Variants in KANK4 observed in about 807,000 individuals in gnomAD.
KANK4 encodes KN motif and ankyrin repeat domains 4.
Under a neutral mutation model 80.8 loss-of-function variants are expected in KANK4, and 50 were observed. The observed-to-expected ratio is 0.62, with a 90% confidence interval of 0.49 to 0.78. The LOEUF is 0.78. Among genes scored for constraint, KANK4 ranks in the 30% least tolerant of loss-of-function variants. KANK4 has a pLI of 0.00. For synonymous variants in KANK4, 465 were observed against 506.9 expected (o/e 0.92, Z 1.11); for missense variants, 1,196 against 1,240.1 (o/e 0.96, Z 0.53).
At chr1:62,248,183 C>G (rs1419409732) in intron 8 of KANK4, among the ~76,000 whole-genome samples, 1 of 152,152 alleles carries the variant, frequency 6.6e-6, no homozygotes, top group Admixed American at 6.5e-5. Flanking sequence ...ACCCTCTTCT[C>G]TCAACACGAT....
chr1:62,294,709 C>T (rs1312073352), intron 1 of KANK4, among the ~76,000 whole-genome samples: 1 of 152,226 alleles, frequency 6.6e-6, no homozygotes, highest in African/African-American at 2.4e-5. Context: ...TCACAATGCC[C>T]CACCTAACCC....
chr1:62,269,059 G>C (rs1672096992), intron 4 of KANK4, among the ~76,000 whole-genome samples: 1 of 152,174 alleles, frequency 6.6e-6, no homozygotes, highest in Admixed American at 6.5e-5. Flanking sequence ...GTGCTCTGTG[G>C]GATACCCCAG....
chr1:62,310,222 G>A (rs925937945), intron 1 of KANK4, among the ~76,000 whole-genome samples: 49 of 152,312 alleles, frequency 3.2e-4, no homozygotes, highest in African/African-American at 1.2e-3. Flanking sequence ...GCCACCCAGG[G>A]CCTGCCACCT....
chr1:62,302,421 G>T (rs12037540), intron 1 of KANK4, among the ~76,000 whole-genome samples: 45,626 of 151,766 alleles, frequency 0.3, 7,586 homozygotes, highest in East Asian at 0.63. Flanking sequence ...TACCTTAGGA[G>T]CTAGATGCTT....
intron 9 of KANK4, among the ~76,000 whole-genome samples, chr1:62,243,182 C>T (rs989510713): frequency 1.3e-5 from 2 of 152,182 alleles, no homozygotes; most frequent in African/African-American, 4.8e-5. Context: ...TCCAGGCTTA[C>T]AGCCTACCCG....
At chr1:62,246,126 A>G (rs1180222636) in intron 9 of KANK4, among the ~76,000 whole-genome samples, 1 of 152,218 alleles carries the variant, frequency 6.6e-6, no homozygotes, top group African/African-American at 2.4e-5. Context: ...GAGATGGTCC[A>G]TGGCAAATGC....
chr1:62,268,395 T>C lies in KANK4; in HGVS notation c.2123A>G (p.Lys708Arg). The C allele has an allele frequency of 1.2e-6, 2 of 1,614,070 alleles. No homozygotes were observed. The highest frequency in any genetic ancestry group is 1.3e-5 in the African/African-American group (1 of 75,054). ...AGCCTCGCAGGTGAGATGGGCATCT[T>C]TGACATGCTTGTGATCTGGGCCGTC... The part of the protein sequence containing the change: ...KCDGPDHKHV[K>R]DAHLTCEAGQ... Residue 708 changes from lysine to arginine, a missense_variant, in exon 5 of 10, where the codon AAA (lysine) becomes AGA (arginine). Physicochemically the swap from Lys to Arg is conservative, Grantham distance 26 (BLOSUM62 2). Transcript: ENST00000371153.
At chr1:62,238,925 C>G (rs917481262) in intron 9 of KANK4, among the ~76,000 whole-genome samples, 2 of 151,622 alleles carry the variant, frequency 1.3e-5, no homozygotes, top group Admixed American at 1.3e-4. Context: ...CTACTGAGCC[C>G]AGCCCCACTT....
chr1:62,274,954 G>A lies in KANK4; in HGVS notation c.150C>T (p.Asn50=), dbSNP rs149181442. 1.4e-4 allele frequency: 223 copies of A among 1,614,122 alleles called. No homozygotes were observed. The African/African-American group carries it at 2.7e-3, about 20-fold the overall frequency. Residue 50 remains asparagine (N), a synonymous_variant, in exon 3 of 10, where the codon AAC becomes AAT. Transcript: ENST00000371153. Reference sequence around the variant, plus strand: ...TGTGGATAGGAATTCTTTTGATAGTGTTTCCCTTCTCGATGTCATCCACAT... The same window carrying A: ...TGTGGATAGGAATTCTTTTGATAGTATTTCCCTTCTCGATGTCATCCACAT... The part of the protein sequence containing the change: ...LKYVDDIEKG[N]TIKRIPIHRR...
intron 1 of KANK4, among the ~76,000 whole-genome samples, chr1:62,305,793 T>C (rs1452158418): frequency 6.6e-6 from 1 of 152,162 alleles, no homozygotes; most frequent in African/African-American, 2.4e-5. Context: ...TGACACTGCA[T>C]TGCGCTCTGA....
At chr1:62,239,327 C>T (rs1671284042) in intron 9 of KANK4, among the ~76,000 whole-genome samples, 1 of 152,002 alleles carries the variant, frequency 6.6e-6, no homozygotes, top group Non-Finnish European at 1.5e-5. Flanking sequence ...CTTACATAGC[C>T]ATTATAATGC....
At chr1:62,286,722 CT>C (rs1409583761) in intron 1 of KANK4, among the ~76,000 whole-genome samples, 3 of 152,192 alleles carry the variant, frequency 2.0e-5, no homozygotes, top group African/African-American at 7.2e-5. Flanking sequence ...GCATCACTTT[CT>C]TCCTGGCTCC....
At chr1:62,271,349 G>A (rs1327285442) in intron 4 of KANK4, 129 bp downstream of exon 4, 4 of 699,932 alleles carry the variant, frequency 5.7e-6, no homozygotes, top group Non-Finnish European at 1.0e-5. Flanking sequence ...AGTTTTAAAG[G>A]GCCATTGAAA....
At chr1:62,259,143 T>G (rs1671820194) in intron 7 of KANK4, among the ~76,000 whole-genome samples, 2 of 152,266 alleles carry the variant, frequency 1.3e-5, no homozygotes, top group South Asian at 4.2e-4. Flanking sequence ...GGACCCAAGT[T>G]AGGGAAAGCC....
At position 62,247,674 on chromosome 1, in the gene KANK4, T is replaced by C. The variant is rs745524585; in HGVS notation, c.2683-2A>G. On this transcript the variant is annotated splice_acceptor_variant, in intron 8 of 9. Coordinates refer to ENST00000371153, the MANE Select transcript of KANK4 (RefSeq NM_181712.5). LOFTEE classifies it high-confidence loss of function. The stretch of plus-strand genomic sequence containing the variant: ...CAGCATCAGCGCAGTCTGGCCTCCC[T>C]GCATGCAGAGCCACAGGGATGTGGT... The C allele has an allele frequency of 1.2e-6, 2 of 1,613,018 alleles. No individual in the cohort carries two copies. The highest frequency in any genetic ancestry group is 2.2e-5 in the East Asian group (1 of 44,834).
At chr1:62,244,510 T>C (rs1671420826) in intron 9 of KANK4, among the ~76,000 whole-genome samples, 1 of 152,126 alleles carries the variant, frequency 6.6e-6, no homozygotes, top group African/African-American at 2.4e-5. Context: ...ATTCTCATGA[T>C]AGTGAGTAAG....
At chr1:62,258,265 G>T (rs950444239) in intron 7 of KANK4, among the ~76,000 whole-genome samples, 16 of 152,204 alleles carry the variant, frequency 1.1e-4, no homozygotes, top group African/African-American at 3.9e-4. Context: ...TCTGGGATGA[G>T]GATGACATTG....
At chr1:62,238,619 A>G (rs1671265148) in intron 9 of KANK4, among the ~76,000 whole-genome samples, 1 of 149,834 alleles carries the variant, frequency 6.7e-6, no homozygotes, top group Non-Finnish European at 1.5e-5. Flanking sequence ...AGGGCCATCT[A>G]GTTTTTAATG....
At chr1:62,278,271 G>A (rs1186587817) in intron 2 of KANK4, among the ~76,000 whole-genome samples, 3 of 151,786 alleles carry the variant, frequency 2.0e-5, no homozygotes, top group Admixed American at 6.6e-5. Context: ...GGAAAGGGAC[G>A]GGTTTAAAAA....
Sources: allele counts gnomAD v4.1 joint callset (sites outside exome capture counted in the v4.1 genomes callset), GRCh38; gene constraint gnomAD v4.1.1; transcripts MANE v1.5; gene names NCBI Gene and HGNC (gene_info 2026-07-23, HGNC 2026-07-21).